Variants in FGF14 observed in about 807,000 individuals in gnomAD.
The protein encoded by FGF14 is fibroblast growth factor 14.
FGF14 carries 5 observed loss-of-function variants against 25.5 expected under a neutral mutation model. The ratio of observed to expected loss-of-function variants is 0.20; its 90% confidence interval spans 0.10 to 0.41. The LOEUF (loss-of-function observed/expected upper bound fraction) is 0.41. Ranked by LOEUF, FGF14 falls within the 10% of genes least tolerant of loss-of-function variation. The pLI is 1.00. For synonymous variants in FGF14, 138 were observed against 118.3 expected, an observed-to-expected ratio of 1.17 and a Z score of -1.08; for missense variants, 222 against 320.1, an observed-to-expected ratio of 0.69 and a Z score of 2.34.
At chr13:101,984,447 A>T (rs764149415) in intron 1 of FGF14, among the ~76,000 whole-genome samples, 1 of 152,188 alleles carries the variant, frequency 6.6e-6, no homozygotes, top group African/African-American at 2.4e-5. Flanking sequence ...CAATCTGTTT[A>T]ATAAGATGGA....
chr13:102,220,883 C>T (rs571675481), intron 1 of FGF14, among the ~76,000 whole-genome samples: 4 of 152,148 alleles, frequency 2.6e-5, no homozygotes, highest in Non-Finnish European at 5.9e-5. Flanking sequence ...CTCTCTTTAG[C>T]GGTATAATCT....
At chr13:101,844,881 G>A (rs1258667974) in intron 3 of FGF14, among the ~76,000 whole-genome samples, 1 of 152,022 alleles carries the variant, frequency 6.6e-6, no homozygotes, top group Non-Finnish European at 1.5e-5. Context: ...GCAAATGCCA[G>A]CAACTAACAC....
chr13:102,325,510 T>C (rs2056395621), intron 1 of FGF14, among the ~76,000 whole-genome samples: 2 of 152,160 alleles, frequency 1.3e-5, no homozygotes, highest in East Asian at 3.9e-4. Flanking sequence ...ATTATTTGAA[T>C]GTGCAAAGAG....
At chr13:102,270,749 CATTT>C (rs756849956) in intron 1 of FGF14, among the ~76,000 whole-genome samples, 23 of 151,928 alleles carry the variant, frequency 1.5e-4, no homozygotes, top group Non-Finnish European at 3.2e-4. Context: ...AGCTGTTTGT[CATTT>C]ATTTGTTTGT....
At chr13:101,787,055 C>T (rs1566900582) in intron 3 of FGF14, among the ~76,000 whole-genome samples, 1 of 152,112 alleles carries the variant, frequency 6.6e-6, no homozygotes, top group Admixed American at 6.5e-5. Context: ...ATCTAAAATG[C>T]AGAATCCAAG....
At chr13:101,893,814 A>C (rs1482806531) in intron 1 of FGF14, among the ~76,000 whole-genome samples, 1 of 152,160 alleles carries the variant, frequency 6.6e-6, no homozygotes, top group Non-Finnish European at 1.5e-5. Context: ...ACAGAACTAT[A>C]AGATAATCAG....
chr13:102,332,163 T>C (rs1348523690), intron 1 of FGF14, among the ~76,000 whole-genome samples: 2 of 152,056 alleles, frequency 1.3e-5, no homozygotes, highest in African/African-American at 4.8e-5. Context: ...TTTGTAGAGA[T>C]AGGAAAAGAT....
intron 1 of FGF14, among the ~76,000 whole-genome samples, chr13:102,278,014 G>A (rs1166218666): frequency 6.6e-6 from 1 of 152,088 alleles, no homozygotes; most frequent in Non-Finnish European, 1.5e-5. Context: ...TTTTCTCTTG[G>A]GCTGACTGTG....
chr13:102,372,036 G>C (rs2057900687), intron 1 of FGF14, among the ~76,000 whole-genome samples: 2 of 152,018 alleles, frequency 1.3e-5, no homozygotes, highest in South Asian at 4.1e-4. Flanking sequence ...CTTCTATCTG[G>C]ATCATCGTCT....
rs1014609146 is a variant in FGF14 at position 101,722,289 on chromosome 13, A to G, written c.*542T>C. ...CCTGATTGCTCTCCGACCTAAGCCA[A>G]CTGCAACATTTAAGATTTAGAGGAA... On this transcript the variant is annotated 3_prime_UTR_variant, in exon 5 of 5. Coordinates refer to ENST00000376143, the MANE Select transcript of FGF14 (RefSeq NM_004115.4). The G allele has an allele frequency of 5.4e-6, 1 of 185,368 alleles. No individual in the cohort carries two copies. Among genetic ancestry groups the G allele is most frequent in the Non-Finnish European group, 1.1e-5 (1 of 88,204 alleles). The allele number at this position is 185,368 out of a possible 1,614,324, so 11.5% of individuals were successfully genotyped here.
chr13:102,385,333 T>G (rs1251561788), intron 1 of FGF14, among the ~76,000 whole-genome samples: 1 of 152,214 alleles, frequency 6.6e-6, no homozygotes, highest in Non-Finnish European at 1.5e-5. Flanking sequence ...ATTCCAACAC[T>G]TACTTCTAAG....
upstream of FGF14, among the ~76,000 whole-genome samples, chr13:102,401,933 A>G (rs1274312028): frequency 1.3e-5 from 2 of 152,072 alleles, no homozygotes; most frequent in African/African-American, 2.4e-5. Flanking sequence ...ATCCCCAAAG[A>G]GAAAACCATA....
rs140734094 is a variant in FGF14 at position 102,021,251 on chromosome 13, G to T, written c.209-145955C>A. On this transcript the variant is annotated intron_variant, in intron 1 of 4. Transcript: ENST00000376131. The stretch of plus-strand genomic sequence containing the variant: ...AAGAGCATAAGATGGATAGTGAATA[G>T]GAGGATGAAACAATGATATATTTCT... 2.5e-3 allele frequency among the ~76,000 whole-genome samples: 377 copies of T among 152,152 alleles called. 2 individuals are homozygous for T. The highest frequency in any genetic ancestry group is 8.6e-3 in the African/African-American group (357 of 41,532).
intron 3 of FGF14, among the ~76,000 whole-genome samples, chr13:101,780,786 A>G (rs907911833): frequency 6.6e-6 from 1 of 152,106 alleles, no homozygotes; most frequent in Non-Finnish European, 1.5e-5. Context: ...TACACAGGCT[A>G]TGGGGAAGGG....
chr13:101,771,102 A>C (rs758413289), intron 3 of FGF14, among the ~76,000 whole-genome samples: 2 of 152,190 alleles, frequency 1.3e-5, no homozygotes, highest in Admixed American at 6.6e-5. Context: ...TAATGCTTAA[A>C]TATCTTAGCA....
At chr13:102,077,259 C>G (rs1420531007) in intron 1 of FGF14, among the ~76,000 whole-genome samples, 1 of 151,898 alleles carries the variant, frequency 6.6e-6, no homozygotes, top group East Asian at 1.9e-4. Flanking sequence ...GGATATAAAG[C>G]CAAAAGCACA....
rs770199483 is a variant in FGF14, at chr13:102,400,776, A to C, written c.208+695T>G. On this transcript the variant is annotated intron_variant, in intron 1 of 4. Transcript: ENST00000376131. This position sits in a 1 kb window ranked among gnomAD's most constrained non-coding sequence, Gnocchi z 4.3. ...GCAGGGCTTTGACACCGCTTTCTAA[A>C]GGGGGGGACTTCAATTACAAATATT... Among the ~76,000 whole-genome samples the C allele has an allele frequency of 3.9e-5, 6 of 152,034 alleles. No individual in the cohort carries two copies. Among genetic ancestry groups the C allele is most frequent in the Non-Finnish European group, 7.4e-5 (5 of 68,014 alleles).
At chr13:102,362,003 C>T in intron 1 of FGF14, among the ~76,000 whole-genome samples, 1 of 152,086 alleles carries the variant, frequency 6.6e-6, no homozygotes, top group East Asian at 1.9e-4. Context: ...TTTCCATGGC[C>T]ACTGCCTTGG....
intron 1 of FGF14, among the ~76,000 whole-genome samples, chr13:102,121,372 A>G (rs1375849309): frequency 6.6e-6 from 1 of 152,074 alleles, no homozygotes; most frequent in African/African-American, 2.4e-5. Context: ...TATCCCATCC[A>G]TCTCCAGAAG....
Sources: gnomAD v4.1 joint callset for allele counts (sites outside exome capture counted in the v4.1 genomes callset) on GRCh38, gnomAD v4.1.1 for gene constraint, Gnocchi (gnomAD v3.1) non-coding constraint, MANE v1.5 for transcripts, NCBI Gene and HGNC (gene_info 2026-07-23, HGNC 2026-07-21) for gene names.